Variants in GPC5 observed in about 807,000 individuals in gnomAD.
GPC5 encodes glypican-5.
A neutral mutation model predicts 53.9 loss-of-function variants in GPC5; 47 were observed. The ratio of observed to expected loss-of-function variants is 0.87; its 90% CI spans 0.69 to 1.11. The LOEUF is 1.11. Ranked by LOEUF, GPC5 falls within the 50% of genes most tolerant of loss-of-function variation. The probability of loss-of-function intolerance (pLI) is 0.00; values close to 1 mark genes in which losing one functional copy is unlikely to be tolerated. For synonymous variants in GPC5, 286 were observed against 263.3 expected (o/e 1.09, Z -0.84); for missense variants, 748 against 713.1 (o/e 1.05, Z -0.56).
chr13:92,344,563 A>C (rs1391029250), intron 7 of GPC5, among the ~76,000 whole-genome samples: 1 of 152,276 alleles, frequency 6.6e-6, no homozygotes, highest in Non-Finnish European at 1.5e-5. Context: ...CTGAATGAGG[A>C]TTTATGGGAG....
chr13:91,860,486 C>T (rs1458699800), intron 5 of GPC5, among the ~76,000 whole-genome samples: 2 of 142,494 alleles, frequency 1.4e-5, no homozygotes, highest in East Asian at 2.1e-4. Flanking sequence ...TCCTTCCTTC[C>T]TTCCTCTTTC....
chr13:92,653,293 G>T (rs1250759214), intron 7 of GPC5, among the ~76,000 whole-genome samples: 1 of 152,068 alleles, frequency 6.6e-6, no homozygotes, highest in Non-Finnish European at 1.5e-5. Context: ...GAAGGAAGTG[G>T]AAGGGATGCA....
chr13:92,454,876 G>A (rs1878200112), intron 7 of GPC5, among the ~76,000 whole-genome samples: 1 of 152,074 alleles, frequency 6.6e-6, no homozygotes, highest in Non-Finnish European at 1.5e-5. Flanking sequence ...TTAAAAAAAT[G>A]CATTATAAGA....
At chr13:91,574,146 G>T (rs1048903676) in intron 2 of GPC5, among the ~76,000 whole-genome samples, 1 of 152,156 alleles carries the variant, frequency 6.6e-6, no homozygotes, top group African/African-American at 2.4e-5. Context: ...TACAGTTAGA[G>T]CTACATTCTG....
intron 4 of GPC5, among the ~76,000 whole-genome samples, chr13:91,742,695 G>A (rs2036961872): frequency 6.6e-6 from 1 of 152,124 alleles, no homozygotes; most frequent in Admixed American, 6.6e-5. Flanking sequence ...CATATCCAGT[G>A]GCTGCAATTG....
In GPC5 at chr13:92,721,230, G is replaced by A. The variant is rs78622402; in HGVS notation, c.1562-145052G>A. On this transcript the variant is annotated intron_variant, in intron 7 of 7. Coordinates refer to ENST00000377067, the MANE Select transcript of GPC5 (RefSeq NM_004466.6). The stretch of plus-strand genomic sequence containing the variant: ...ATGATGTCCCAGAAACTGTACACCC[G>A]GCAGCTGCTAGACCACAAGATAAGG... Among the ~76,000 whole-genome samples, 1,310 of 151,854 alleles carry A rather than the reference G, an allele frequency of 8.6e-3. 12 individuals are homozygous for A. Among genetic ancestry groups the A allele is most frequent in the African/African-American group, 0.022 (910 of 41,422 alleles).
At chr13:91,459,187 C>T (rs1397654623) in intron 2 of GPC5, among the ~76,000 whole-genome samples, 1 of 151,784 alleles carries the variant, frequency 6.6e-6, no homozygotes, top group African/African-American at 2.4e-5. Flanking sequence ...AACTCCTCCA[C>T]CTGTACCCCA....
At chr13:92,027,371 C>T (rs1402663903) in intron 6 of GPC5, among the ~76,000 whole-genome samples, 2 of 151,992 alleles carry the variant, frequency 1.3e-5, no homozygotes, top group Non-Finnish European at 2.9e-5. Context: ...TAAAACAAAA[C>T]CAATTTTTTT....
intron 2 of GPC5, among the ~76,000 whole-genome samples, chr13:91,478,953 A>C: frequency 7.1e-6 from 1 of 141,826 alleles, no homozygotes; most frequent in East Asian, 2.1e-4. Context: ...TTGTTCTGTT[A>C]CCCACGTTGG....
chr13:91,430,478 T>C (rs959653597), intron 1 of GPC5, among the ~76,000 whole-genome samples: 1 of 152,174 alleles, frequency 6.6e-6, no homozygotes, highest in Non-Finnish European at 1.5e-5. Flanking sequence ...GAAGTTTTTC[T>C]TCCTCTGTAA....
At chr13:92,448,737 T>C (rs1433734398) in intron 7 of GPC5, 1 of 151,706 alleles carries the variant, frequency 6.6e-6, no homozygotes, top group African/African-American at 2.4e-5. Flanking sequence ...CACTTTGGTA[T>C]AAGAATTGCT....
chr13:92,554,137 C>G (rs1882414421), intron 7 of GPC5, among the ~76,000 whole-genome samples: 1 of 151,844 alleles, frequency 6.6e-6, no homozygotes, highest in South Asian at 2.1e-4. Context: ...AGTTAAGACA[C>G]AGTATGCTCA....
chr13:92,131,591 C>A (rs1483865735), intron 6 of GPC5, among the ~76,000 whole-genome samples: 12 of 151,912 alleles, frequency 7.9e-5, no homozygotes, highest in African/African-American at 2.9e-4. Context: ...ATGTATACTG[C>A]ATGATACTAT....
chr13:92,815,677 T>C (rs1877448365), intron 7 of GPC5, among the ~76,000 whole-genome samples: 2 of 151,754 alleles, frequency 1.3e-5, no homozygotes, highest in South Asian at 2.1e-4. Flanking sequence ...AGCCAATCAA[T>C]GGTGGTGGCC....
At chr13:92,742,340 G>A (rs9523795) in intron 7 of GPC5, among the ~76,000 whole-genome samples, 40,258 of 151,326 alleles carry the variant, frequency 0.27, 5,554 homozygotes, top group East Asian at 0.49. Flanking sequence ...GGCCAGTGAT[G>A]GTGAGCATTT....
At chr13:91,846,350 G>T (rs2138881646) in intron 5 of GPC5, among the ~76,000 whole-genome samples, 1 of 152,028 alleles carries the variant, frequency 6.6e-6, no homozygotes, top group East Asian at 1.9e-4. Context: ...CGCCTTAAAT[G>T]CTAGTTTAAC....
chr13:92,640,130 G>GTA (rs572725838), intron 7 of GPC5, among the ~76,000 whole-genome samples: 3 of 151,580 alleles, frequency 2.0e-5, no homozygotes, highest in African/African-American at 4.9e-5. Flanking sequence ...ATATTTGCAT[G>GTA]TATATATATA....
chr13:92,781,854 C>T (rs903270398), intron 7 of GPC5, among the ~76,000 whole-genome samples: 2 of 152,140 alleles, frequency 1.3e-5, no homozygotes, highest in Non-Finnish European at 2.9e-5. Context: ...CTGCTGCCAG[C>T]CAAGTATCAG....
chr13:91,600,113 G>A (rs1215956889), intron 2 of GPC5, among the ~76,000 whole-genome samples: 1 of 152,034 alleles, frequency 6.6e-6, no homozygotes, highest in African/African-American at 2.4e-5. Flanking sequence ...AGAGGAGACG[G>A]GGTTTCACCA....
Sources: allele counts gnomAD v4.1 joint callset (sites outside exome capture counted in the v4.1 genomes callset), GRCh38; gene constraint gnomAD v4.1.1; transcripts MANE v1.5; gene names NCBI Gene and HGNC (gene_info 2026-07-23, HGNC 2026-07-21).